Variants in RFC3 observed in about 807,000 individuals in gnomAD.
RFC3 encodes the protein A1 38 kDa subunit.
Under a neutral mutation model 45.1 loss-of-function variants are expected in RFC3, and 41 were observed. The observed-to-expected ratio is 0.91, with a 90% CI of 0.71 to 1.18. The LOEUF (loss-of-function observed/expected upper bound fraction) is 1.18. Among genes scored for constraint, RFC3 ranks in the 50% most tolerant of loss-of-function variants. The pLI, the probability that RFC3 is intolerant of heterozygous loss-of-function variation, is 0.00. For synonymous variants in RFC3, 149 were observed against 144.0 expected (o/e 1.03, Z -0.25); for missense variants, 423 against 428.1 (o/e 0.99, Z 0.10).
intron 8 of RFC3, among the ~76,000 whole-genome samples, chr13:33,908,209 C>T (rs925646995): frequency 1.3e-5 from 2 of 151,610 alleles, no homozygotes; most frequent in East Asian, 3.9e-4. Context: ...ATCAGTTTGG[C>T]AGTTGTTTTA....
chr13:33,932,297 ATTC>A (rs1430941523), intron 8 of RFC3, among the ~76,000 whole-genome samples: 1 of 152,114 alleles, frequency 6.6e-6, no homozygotes, highest in East Asian at 1.9e-4. Context: ...TTGTCTATTT[ATTC>A]TTCTTAATAT....
chr13:33,923,517 G>A (rs1274822046), intron 8 of RFC3, among the ~76,000 whole-genome samples: 4 of 152,108 alleles, frequency 2.6e-5, no homozygotes, highest in Non-Finnish European at 4.4e-5. Context: ...GGTTCCCAGG[G>A]GTCTTCAGGC....
intron 4 of RFC3, among the ~76,000 whole-genome samples, chr13:33,828,213 T>G (rs375539305): frequency 2.0e-5 from 3 of 152,174 alleles, no homozygotes; most frequent in African/African-American, 7.2e-5. Context: ...ATTCCCTATC[T>G]TATTTTCTGT....
rs2082673695 is a variant in RFC3, at chr13:33,906,639, T to C, written c.880-59448T>C. On this transcript the variant is annotated intron_variant, in intron 8 of 8. Coordinates refer to the RFC3 transcript ENST00000434425. Reference sequence around the variant, plus strand: ...CTTGGTTCACTTGTGATCTTTATTTTTTTGTTACATGCTTTTCTTGCTGTT... The same window carrying C: ...CTTGGTTCACTTGTGATCTTTATTTCTTTGTTACATGCTTTTCTTGCTGTT... Among the ~76,000 whole-genome samples the C allele has an allele frequency of 2.0e-5, 3 of 152,154 alleles. 1 individual carries two copies. Among genetic ancestry groups the C allele is most frequent in the Admixed American group, 2.0e-4 (3 of 15,272 alleles).
At chr13:33,841,912 G>A (rs1433294603), downstream of RFC3, among the ~76,000 whole-genome samples, 1 of 152,092 alleles carries the variant, frequency 6.6e-6, no homozygotes, top group Middle Eastern at 3.2e-3. Flanking sequence ...CCAGCCTTGT[G>A]GGAGCTCTGG....
chr13:33,899,204 C>CAAAAAAAGA (rs2082621832), intron 8 of RFC3, among the ~76,000 whole-genome samples: 2 of 51,968 alleles, frequency 3.8e-5, no homozygotes, highest in Non-Finnish European at 7.2e-5. Context: ...CACAATAAGA[C>CAAAAAAAGA]AAAAAAAAAA....
At chr13:33,913,983 G>A (rs2082718024) in intron 8 of RFC3, among the ~76,000 whole-genome samples, 1 of 152,082 alleles carries the variant, frequency 6.6e-6, no homozygotes, top group African/African-American at 2.4e-5. Flanking sequence ...GTTGCTAAGT[G>A]ATATGCTCAT....
At chr13:33,956,870 G>A (rs780148964) in intron 8 of RFC3, among the ~76,000 whole-genome samples, 2 of 152,182 alleles carry the variant, frequency 1.3e-5, no homozygotes, top group Non-Finnish European at 2.9e-5. Context: ...ATATAATCTT[G>A]TACATCTCTC....
At chr13:33,974,248 T>G in the RFC3 span, among the ~76,000 whole-genome samples, 1 of 151,352 alleles carries the variant, frequency 6.6e-6, no homozygotes, top group Non-Finnish European at 1.5e-5. Flanking sequence ...ATGATATGCT[T>G]CTTTTTTTCT....
chr13:33,908,425 G>A (rs2149845), intron 8 of RFC3, among the ~76,000 whole-genome samples: 13,780 of 151,960 alleles, frequency 0.091, 1,160 homozygotes, highest in African/African-American at 0.22. Context: ...AGCTCACTGG[G>A]TTCTCTATGA....
chr13:33,958,646 T>A (rs1053625781), intron 8 of RFC3, among the ~76,000 whole-genome samples: 4 of 152,198 alleles, frequency 2.6e-5, no homozygotes, highest in Admixed American at 2.6e-4. Flanking sequence ...GAGTGTGGGA[T>A]GATGTCTGGA....
chr13:33,823,968 C>A lies in RFC3; in HGVS notation c.277C>A (p.Leu93Ile). 1.3e-6 allele frequency: 2 copies of A among 1,552,608 alleles called. No homozygotes were observed. Among genetic ancestry groups the A allele is most frequent in the Non-Finnish European group, 8.8e-7 (1 of 1,132,024 alleles). ...EISTIASNYH[L>I]EVNPSDAGNS... ...TAGCACCATTGCAAGTAACTACCAC[C>A]TTGAAGTTAATCCTAGGTAAGTTAC... Residue 93 changes from leucine to isoleucine, a missense_variant, in exon 3 of 9, where the codon CTT becomes ATT. By Grantham distance (5) the Leu-to-Ile change is conservative. Transcript: ENST00000380071.
At chr13:33,930,285 C>T (rs2082843383) in intron 8 of RFC3, among the ~76,000 whole-genome samples, 1 of 152,112 alleles carries the variant, frequency 6.6e-6, no homozygotes, top group Admixed American at 6.6e-5. Context: ...GTCCCAAAAC[C>T]TCAAAAGTAG....
At chr13:33,945,932 G>A (rs906852598) in intron 8 of RFC3, among the ~76,000 whole-genome samples, 1 of 152,154 alleles carries the variant, frequency 6.6e-6, no homozygotes, top group East Asian at 1.9e-4. Context: ...TCCAGATGGA[G>A]AATCTTATGG....
the RFC3 span, among the ~76,000 whole-genome samples, chr13:33,977,360 G>T: frequency 6.6e-6 from 1 of 151,864 alleles, no homozygotes; most frequent in East Asian, 1.9e-4. Context: ...CTGAAATAAA[G>T]GTTTTATTTA....
intron 8 of RFC3, among the ~76,000 whole-genome samples, chr13:33,861,865 T>G (rs1222468840): frequency 6.6e-6 from 1 of 152,198 alleles, no homozygotes; most frequent in Non-Finnish European, 1.5e-5. Flanking sequence ...GAATACCCTT[T>G]GCAGTAAAAC....
intron 8 of RFC3, among the ~76,000 whole-genome samples, chr13:33,928,831 G>A (rs2082833017): frequency 6.8e-6 from 1 of 146,666 alleles, no homozygotes; most frequent in African/African-American, 2.7e-5. Flanking sequence ...GAGAACCAAT[G>A]TCTGGGGGGG....
chr13:33,820,876 T>C (rs889703092), intron 1 of RFC3, among the ~76,000 whole-genome samples: 2 of 149,636 alleles, frequency 1.3e-5, no homozygotes, highest in Non-Finnish European at 3.0e-5. Context: ...ACAAAATTAG[T>C]GTCAGGCGAA....
At chr13:33,915,367 TTCTA>T (rs2082726406) in intron 8 of RFC3, among the ~76,000 whole-genome samples, 1 of 152,172 alleles carries the variant, frequency 6.6e-6, no homozygotes, top group Non-Finnish European at 1.5e-5. Flanking sequence ...GTATATCTCT[TTCTA>T]TATATTTGTC....
Sources: gnomAD v4.1 joint callset for allele counts (sites outside exome capture counted in the v4.1 genomes callset) on GRCh38, gnomAD v4.1.1 for gene constraint, MANE v1.5 for transcripts, NCBI Gene and HGNC (gene_info 2026-07-23, HGNC 2026-07-21) for gene names.